Variants in CYP19A1 observed in about 807,000 individuals in gnomAD.
CYP19A1 encodes the protein aromatase.
Under a neutral mutation model 44.4 loss-of-function variants are expected in CYP19A1, and 32 were observed. The observed-to-expected ratio is 0.72, with a 90% CI of 0.54 to 0.97. CYP19A1 has a LOEUF of 0.97. Among genes scored for constraint, CYP19A1 ranks in the 50% least tolerant of loss-of-function variants. The pLI is 0.00. For missense variants in CYP19A1, 598 were observed against 637.8 expected, an observed-to-expected ratio of 0.94 and a Z score of 0.67; for synonymous variants, 212 against 215.6, an observed-to-expected ratio of 0.98 and a Z score of 0.14.
rs1283145999 is a variant in CYP19A1, at chr15:51,294,019, T to C, written c.-39+44476A>G. ...AGGAGCGTCTCTGCCTGGCCGCCCATCGTCTGGGATGTGAGGAGCCCCTCT... is the reference window on the plus strand; with the variant it reads ...AGGAGCGTCTCTGCCTGGCCGCCCACCGTCTGGGATGTGAGGAGCCCCTCT... On this transcript the variant is annotated intron_variant, in intron 1 of 9. Coordinates refer to ENST00000396402, the MANE Select transcript of CYP19A1 (RefSeq NM_000103.4). The C allele has an allele frequency of 1.7e-5, 3 of 172,628 alleles. 1 individual carries two copies. The Admixed American group carries it at 2.0e-4, about 11-fold the overall frequency. 10.7% of individuals were successfully genotyped at this position (172,628 alleles called of 1,614,324 possible).
chr15:51,225,061 A>T (rs2032456134), intron 4 of CYP19A1, among the ~76,000 whole-genome samples: 1 of 152,138 alleles, frequency 6.6e-6, no homozygotes, highest in Non-Finnish European at 1.5e-5. Flanking sequence ...GTTCATCTGT[A>T]CTTGGCATCA....
At chr15:51,218,387 TAA>T in intron 6 of CYP19A1, 152 bp downstream of exon 6, 1 of 1,199,468 alleles carries the variant, frequency 8.3e-7, no homozygotes, top group Non-Finnish European at 1.1e-6. Context: ...CAAATTGCTG[TAA>T]AAAGTGTTTC....
In CYP19A1 at chr15:51,229,473, A is replaced by T. The variant is rs745306163; in HGVS notation, c.297-1540T>A. 8.6e-5 allele frequency among the ~76,000 whole-genome samples: 13 copies of T among 152,012 alleles called. 1 individual carries two copies. The East Asian group carries it at 2.3e-3, about 27-fold the overall frequency. ...AAAAACCACCTATTTTCAAATAAAA[A>T]CACTATTAAATATTCTCTTGATCTG... On this transcript the variant is annotated intron_variant, in intron 3 of 9. Coordinates refer to ENST00000396402, the MANE Select transcript of CYP19A1 (RefSeq NM_000103.4).
chr15:51,294,194 C>T (rs1474636138), intron 1 of CYP19A1, among the ~76,000 whole-genome samples: 1 of 135,886 alleles, frequency 7.4e-6, no homozygotes, highest in Non-Finnish European at 1.5e-5. Context: ...TGAGGAGCGT[C>T]TCTGCCCGGC....
chr15:51,301,457 G>A (rs1301141049), intron 1 of CYP19A1, among the ~76,000 whole-genome samples: 1 of 152,220 alleles, frequency 6.6e-6, no homozygotes, highest in East Asian at 1.9e-4. Context: ...GGCTCCTTCT[G>A]CCAAGGCAAG....
At chr15:51,233,162 C>T (rs1168013763) in intron 3 of CYP19A1, among the ~76,000 whole-genome samples, 6 of 152,166 alleles carry the variant, frequency 3.9e-5, no homozygotes, top group Admixed American at 2.0e-4. Flanking sequence ...ACAATCACAC[C>T]TGCGTCTCTA....
intron 4 of CYP19A1, among the ~76,000 whole-genome samples, chr15:51,224,456 C>G (rs2032405861): frequency 6.6e-6 from 1 of 152,148 alleles, no homozygotes; most frequent in Non-Finnish European, 1.5e-5. Flanking sequence ...TTATGTAGCA[C>G]TTTTTGTAGA....
At chr15:51,335,789 G>C (rs2036765825) in intron 1 of CYP19A1, among the ~76,000 whole-genome samples, 1 of 152,114 alleles carries the variant, frequency 6.6e-6, no homozygotes, top group Non-Finnish European at 1.5e-5. Context: ...CTCCTCATTT[G>C]TTTCCCATTG....
intron 1 of CYP19A1, among the ~76,000 whole-genome samples, chr15:51,327,758 AAAAC>A (rs1295478279): frequency 6.6e-6 from 1 of 152,176 alleles, no homozygotes; most frequent in Non-Finnish European, 1.5e-5. Context: ...CGTCTCAGAA[AAAAC>A]AAACAAATGA....
At chr15:51,225,322 G>C (rs1011456780) in intron 4 of CYP19A1, among the ~76,000 whole-genome samples, 2 of 152,190 alleles carry the variant, frequency 1.3e-5, no homozygotes, top group African/African-American at 4.8e-5. Flanking sequence ...GTATGTGAAA[G>C]TTAACTACTA....
chr15:51,323,275 T>TTTTTTTA, intron 1 of CYP19A1, among the ~76,000 whole-genome samples: 1 of 152,142 alleles, frequency 6.6e-6, no homozygotes, highest in African/African-American at 2.4e-5. Flanking sequence ...AGCTCCTTCT[T>TTTTTTTA]ATAGGAAGCT....
At chr15:51,300,677 ATACTG>A (rs1234261036) in intron 1 of CYP19A1, among the ~76,000 whole-genome samples, 1 of 152,168 alleles carries the variant, frequency 6.6e-6, no homozygotes, top group African/African-American at 2.4e-5. Flanking sequence ...CTCCAACCCT[ATACTG>A]GGAACCAGCC....
chr15:51,290,949 C>T (rs981831277), intron 1 of CYP19A1, among the ~76,000 whole-genome samples: 3 of 152,152 alleles, frequency 2.0e-5, no homozygotes, highest in Admixed American at 1.3e-4. Context: ...CCCCATTTCA[C>T]GTTGAGCATC....
At chr15:51,259,307 T>C (rs935237980) in intron 1 of CYP19A1, among the ~76,000 whole-genome samples, 12 of 152,262 alleles carry the variant, frequency 7.9e-5, no homozygotes, top group African/African-American at 2.9e-4. Flanking sequence ...TGGCATACAC[T>C]ACATTTATAA....
At chr15:51,218,725 T>C (rs1374053326) in intron 5 of CYP19A1, 70 bp from the exon 6 acceptor site, 2 of 1,550,656 alleles carry the variant, frequency 1.3e-6, no homozygotes, top group East Asian at 2.4e-5. Context: ...AGAAGGTTGC[T>C]CTGAGCAGAA....
intron 1 of CYP19A1, among the ~76,000 whole-genome samples, chr15:51,294,109 G>C (rs1367240507): frequency 7.2e-6 from 1 of 138,020 alleles, no homozygotes; most frequent in African/African-American, 3.3e-5. Flanking sequence ...TCTAGGAAGT[G>C]AGGAGCGTCT....
Position 51,210,968 on chromosome 15 carries a change from A to G in CYP19A1, c.1352T>C (p.Leu451Pro), listed in dbSNP as rs759973029. ...GTGGAATCGTCTCAGAAGTGTAACG[A>G]GGATGGCTTTCATCATCACCATGGC... is the stretch of plus-strand genomic sequence containing the variant. ...YIAMVMMKAI[L>P]VTLLRRFHVK... is the part of the protein sequence containing the mutation. The change falls in exon 10 of 10, where the codon CTC (leucine) becomes CCC (proline). Residue 451 changes from leucine to proline, a missense_variant. Leu to Pro is a moderately conservative substitution (Grantham distance 98). Coordinates refer to ENST00000396402, the MANE Select transcript of CYP19A1 (RefSeq NM_000103.4). 6 of 1,607,598 alleles carry G rather than the reference A, an allele frequency of 3.7e-6. No individual in the cohort carries two copies. The East Asian group carries it at 1.3e-4, about 36-fold the overall frequency.
chr15:51,272,047 C>G (rs1156423611), intron 1 of CYP19A1, among the ~76,000 whole-genome samples: 1 of 152,186 alleles, frequency 6.6e-6, no homozygotes. Context: ...CTCCTTCATC[C>G]AAGAGAGAAA....
intron 6 of CYP19A1, among the ~76,000 whole-genome samples, chr15:51,217,064 A>G (rs2031644508): frequency 6.6e-6 from 1 of 152,212 alleles, no homozygotes; most frequent in Non-Finnish European, 1.5e-5. Flanking sequence ...ACTGATCCAC[A>G]CATTCATCAA....
Sources: gnomAD v4.1 joint callset for allele counts (sites outside exome capture counted in the v4.1 genomes callset) on GRCh38, gnomAD v4.1.1 for gene constraint, MANE v1.5 for transcripts, NCBI Gene and HGNC (gene_info 2026-07-23, HGNC 2026-07-21) for gene names.